PTPRD: variants seen among roughly 807,000 people sequenced by gnomAD.
PTPRD encodes protein tyrosine phosphatase receptor type D, also known as receptor-type tyrosine-protein phosphatase delta.
A neutral mutation model predicts 214.5 loss-of-function variants in PTPRD; 34 were observed. The ratio of observed to expected loss-of-function variants is 0.16; its 90% confidence interval spans 0.12 to 0.21. The LOEUF is 0.21. Among genes scored for constraint, PTPRD ranks in the 10% least tolerant of loss-of-function variants. PTPRD has a pLI of 1.00. For missense variants in PTPRD, 2,545 were observed against 2,398.7 expected (o/e 1.06, Z -1.27); for synonymous variants, 1,128 against 845.7 (o/e 1.33, Z -5.79).
chr9:9,047,723 C>T (rs2099675712), intron 10 of PTPRD, among the ~76,000 whole-genome samples: 1 of 152,054 alleles, frequency 6.6e-6, no homozygotes, highest in African/African-American at 2.4e-5. Flanking sequence ...AGACCCATAT[C>T]TCCAATCATA....
At chr9:9,106,430 C>A (rs1487498339) in intron 10 of PTPRD, among the ~76,000 whole-genome samples, 1 of 151,606 alleles carries the variant, frequency 6.6e-6, no homozygotes, top group African/African-American at 2.4e-5. Flanking sequence ...ATGATCCTCA[C>A]TTTAAAATTA....
intron 7 of PTPRD, among the ~76,000 whole-genome samples, chr9:9,579,396 G>A (rs2090048228): frequency 6.6e-6 from 1 of 152,096 alleles, no homozygotes; most frequent in African/African-American, 2.4e-5. Context: ...AGGACAGAGA[G>A]CTAGTAAGTA....
intron 4 of PTPRD, among the ~76,000 whole-genome samples, chr9:9,995,209 A>T (rs1014743681): frequency 6.6e-6 from 1 of 152,144 alleles, no homozygotes; most frequent in Non-Finnish European, 1.5e-5. Flanking sequence ...AAGACCATGG[A>T]GCTATTGGTT....
chr9:9,473,826 T>TC (rs969110404), intron 8 of PTPRD, among the ~76,000 whole-genome samples: 15 of 151,786 alleles, frequency 9.9e-5, no homozygotes, highest in Admixed American at 3.9e-4. Context: ...CTTTTTTTTT[T>TC]TTTTGCTGTT....
At chr9:9,827,646 A>C (rs1028364945) in intron 5 of PTPRD, among the ~76,000 whole-genome samples, 2 of 152,208 alleles carry the variant, frequency 1.3e-5, no homozygotes, top group African/African-American at 4.8e-5. Context: ...CAAAAGCCAA[A>C]ACTGATAAAC....
At chr9:8,992,921 T>C (rs573874819) in intron 11 of PTPRD, among the ~76,000 whole-genome samples, 1 of 152,118 alleles carries the variant, frequency 6.6e-6, no homozygotes, top group African/African-American at 2.4e-5. Flanking sequence ...TATTTGTTGG[T>C]GAGGCTGATT....
At chr9:10,481,488 T>C (rs1292323484) in intron 2 of PTPRD, among the ~76,000 whole-genome samples, 1 of 152,162 alleles carries the variant, frequency 6.6e-6, no homozygotes, top group Non-Finnish European at 1.5e-5. Flanking sequence ...TAATGTAACA[T>C]GAATCCTGAA....
intron 2 of PTPRD, among the ~76,000 whole-genome samples, chr9:10,341,503 T>A (rs537984284): frequency 5.9e-5 from 9 of 152,074 alleles, no homozygotes; most frequent in East Asian, 3.9e-4. Context: ...AAAGATAATA[T>A]TGGGTGCAAA....
intron 8 of PTPRD, among the ~76,000 whole-genome samples, chr9:9,508,361 C>T (rs1192618922): frequency 6.6e-6 from 1 of 151,586 alleles, no homozygotes; most frequent in Non-Finnish European, 1.5e-5. Context: ...TTCTACTTTC[C>T]ATTCCCCAAA....
Position 8,361,962 on chromosome 9 carries a change from CA to C in PTPRD, c.4661+13973del, listed in dbSNP as rs369868089. The stretch of plus-strand genomic sequence containing the variant: ...GACTATTGGTTTCTTAAGCCATAGC[CA>C]AACTGTGATATGGTGAAGCTTTAGC... On this transcript the variant is annotated intron_variant, in intron 39 of 45. Transcript: ENST00000381196. Among the ~76,000 whole-genome samples, 58 of 152,294 alleles carry C rather than the reference CA, an allele frequency of 3.8e-4. No homozygotes were observed. In the East Asian group the frequency reaches 7.9e-3, roughly 21 times the overall value.
At chr9:8,998,838 T>C (rs996777660) in intron 11 of PTPRD, among the ~76,000 whole-genome samples, 4 of 152,132 alleles carry the variant, frequency 2.6e-5, no homozygotes, top group East Asian at 3.9e-4. Flanking sequence ...TGAAAGTTAA[T>C]GGAATTTGGA....
At chr9:8,473,321 G>A (rs2096695310) in intron 30 of PTPRD, among the ~76,000 whole-genome samples, 2 of 152,132 alleles carry the variant, frequency 1.3e-5, no homozygotes, top group African/African-American at 4.8e-5. Context: ...GTATGACAGA[G>A]ACCAATATCT....
At chr9:9,954,430 A>C (rs750293461) in intron 4 of PTPRD, among the ~76,000 whole-genome samples, 19 of 151,890 alleles carry the variant, frequency 1.3e-4, no homozygotes, top group Non-Finnish European at 2.4e-4. Context: ...AAAAAGCACT[A>C]ACTTTAAACA....
At chr9:10,104,668 G>A (rs953512882) in intron 3 of PTPRD, among the ~76,000 whole-genome samples, 6 of 151,640 alleles carry the variant, frequency 4.0e-5, no homozygotes, top group South Asian at 2.1e-4. Flanking sequence ...ATATTAAAAC[G>A]CCAGTACTTA....
chr9:9,522,391 T>C (rs1040247314), intron 8 of PTPRD, among the ~76,000 whole-genome samples: 7 of 152,150 alleles, frequency 4.6e-5, no homozygotes, highest in Admixed American at 4.6e-4. Flanking sequence ...TAAAGGGAAC[T>C]ATCTGGACAT....
chr9:9,766,954 A>G (rs1250275918), intron 5 of PTPRD, 103 bp from the exon 6 acceptor site: 2 of 152,298 alleles, frequency 1.3e-5, no homozygotes, highest in Non-Finnish European at 2.9e-5. Context: ...TTAAAACTCC[A>G]TCATTGCTCA....
chr9:8,360,030 G>C (rs1245593818), intron 39 of PTPRD, among the ~76,000 whole-genome samples: 1 of 152,166 alleles, frequency 6.6e-6, no homozygotes, highest in South Asian at 2.1e-4. Context: ...TAGAATGTTT[G>C]TGGTGTCATC....
intron 35 of PTPRD, among the ~76,000 whole-genome samples, chr9:8,425,693 G>C (rs2094618358): frequency 6.6e-6 from 1 of 151,818 alleles, no homozygotes; most frequent in Non-Finnish European, 1.5e-5. Flanking sequence ...TCTCCTAGAA[G>C]ACTATGGACT....
At chr9:9,956,880 A>G (rs772596343) in intron 4 of PTPRD, among the ~76,000 whole-genome samples, 2 of 152,198 alleles carry the variant, frequency 1.3e-5, no homozygotes, top group Non-Finnish European at 2.9e-5. Context: ...TGTAATCAAT[A>G]TCAACTTTAA....
Sources: gnomAD v4.1 joint callset for allele counts (sites outside exome capture counted in the v4.1 genomes callset) on GRCh38, gnomAD v4.1.1 for gene constraint, MANE v1.5 for transcripts, NCBI Gene and HGNC (gene_info 2026-07-23, HGNC 2026-07-21) for gene names.